Variants in GRM1 observed in about 807,000 individuals in gnomAD.
The protein encoded by GRM1 is metabotropic glutamate receptor 1.
In GRM1, 33 loss-of-function variants were observed where a neutral mutation model predicts 90.9. That is an observed-to-expected ratio of 0.36 (90% CI 0.28 to 0.49). The LOEUF is 0.49. Ranked by LOEUF, GRM1 falls within the 20% of genes least tolerant of loss-of-function variation. The pLI is 0.99. For missense variants in GRM1, 1,190 were observed against 1,534.3 expected (o/e 0.78, Z 3.75); for synonymous variants, 700 against 613.2 (o/e 1.14, Z -2.09).
intron 1 of GRM1, among the ~76,000 whole-genome samples, chr6:146,079,474 T>C (rs935360245): frequency 6.6e-6 from 1 of 152,196 alleles, no homozygotes; most frequent in African/African-American, 2.4e-5. Context: ...GAGAACAGCT[T>C]TTGTGTTTGT....
intron 3 of GRM1, among the ~76,000 whole-genome samples, chr6:146,344,899 C>T (rs1397658487): frequency 1.3e-5 from 2 of 152,122 alleles, no homozygotes; most frequent in East Asian, 3.9e-4. Flanking sequence ...ACAGCCTCCA[C>T]GTCCCAGGTT....
chr6:146,370,960 T>A (rs539516051), intron 5 of GRM1, among the ~76,000 whole-genome samples: 27 of 152,272 alleles, frequency 1.8e-4, no homozygotes, highest in African/African-American at 6.5e-4. Context: ...TAAATTACAA[T>A]GTAGTCCTAC....
chr6:146,388,592 A>G (rs764819168), intron 6 of GRM1, among the ~76,000 whole-genome samples: 14 of 152,100 alleles, frequency 9.2e-5, no homozygotes, highest in Non-Finnish European at 1.6e-4. Flanking sequence ...TCCTTTTTAA[A>G]GAGAAGAAAA....
chr6:146,293,030 T>C (rs772817521), intron 2 of GRM1, among the ~76,000 whole-genome samples: 2 of 151,952 alleles, frequency 1.3e-5, no homozygotes, highest in Non-Finnish European at 2.9e-5. Context: ...AGTTCATGTA[T>C]TGTGTGATTA....
intron 7 of GRM1, 35 bp from the exon 8 acceptor site, chr6:146,433,837 A>T: frequency 7.2e-7 from 1 of 1,397,924 alleles, no homozygotes; most frequent in Non-Finnish European, 1.0e-6. Context: ...TGCATGATCT[A>T]TCTGCAAATA....
chr6:146,161,144 G>A (rs1215015302), intron 2 of GRM1, among the ~76,000 whole-genome samples: 1 of 152,020 alleles, frequency 6.6e-6, no homozygotes, highest in African/African-American at 2.4e-5. Context: ...CTTTTAGGAA[G>A]GTTGCTTGTT....
At chr6:146,409,953 A>G (rs1203104107) in intron 7 of GRM1, among the ~76,000 whole-genome samples, 1 of 152,146 alleles carries the variant, frequency 6.6e-6, no homozygotes, top group Non-Finnish European at 1.5e-5. Flanking sequence ...TCCTTCCCCA[A>G]ATTTTCCAGT....
intron 2 of GRM1, among the ~76,000 whole-genome samples, chr6:146,288,476 A>T (rs1021085006): frequency 4.6e-5 from 7 of 152,192 alleles, no homozygotes; most frequent in Admixed American, 2.6e-4. Context: ...CATGAACCAT[A>T]GAACAATGGC....
intron 1 of GRM1, among the ~76,000 whole-genome samples, chr6:146,110,200 C>G (rs1365179048): frequency 6.6e-6 from 1 of 152,120 alleles, no homozygotes; most frequent in South Asian, 2.1e-4. Flanking sequence ...TGCTGTGTCT[C>G]CACCCAAATC....
At chr6:146,085,175 T>A (rs931454769) in intron 1 of GRM1, among the ~76,000 whole-genome samples, 3 of 152,106 alleles carry the variant, frequency 2.0e-5, no homozygotes, top group African/African-American at 4.8e-5. Flanking sequence ...AAATGGCTGA[T>A]TGATATAACT....
chr6:146,399,227 C>G lies in GRM1; in HGVS notation c.2188C>G (p.Pro730Ala). 6.2e-7 allele frequency: 1 copy of G among 1,613,998 alleles called. No homozygotes were observed. The highest frequency in any genetic ancestry group is 1.1e-5 in the South Asian group (1 of 91,068). The change falls in exon 7 of 8, where the codon CCT (proline) becomes GCT (alanine). Residue 730 changes from proline (P) to alanine (A), a missense_variant. By Grantham distance (27) the Pro-to-Ala change is conservative (BLOSUM62 -1). This residue lies in a region of GRM1 where 414 missense variants were observed against 598.4 expected (regional missense o/e 0.69). Transcript: ENST00000282753. This position sits in a 1 kb window ranked among gnomAD's most constrained non-coding sequence, Gnocchi z 5.4. ...GGTAACCCTGATCATCATGGAACCC[C>G]CTATGCCCATTCTGTCCTACCCAAG... ...LVVTLIIMEP[P>A]MPILSYPSIK...
chr6:146,116,740 G>A (rs149860619), intron 1 of GRM1, among the ~76,000 whole-genome samples: 8 of 152,138 alleles, frequency 5.3e-5, no homozygotes, highest in African/African-American at 1.4e-4. Context: ...GGAGAGATAA[G>A]TCTTTTACAT....
At chr6:146,357,969 A>C (rs751981689) in intron 5 of GRM1, among the ~76,000 whole-genome samples, 3 of 152,232 alleles carry the variant, frequency 2.0e-5, no homozygotes, top group Non-Finnish European at 2.9e-5. Context: ...TGAGTAATCA[A>C]ATTTTAAAAA....
At chr6:146,241,696 T>G (rs1780871054) in intron 2 of GRM1, among the ~76,000 whole-genome samples, 2 of 152,164 alleles carry the variant, frequency 1.3e-5, no homozygotes, top group Non-Finnish European at 2.9e-5. Flanking sequence ...TCTGAATAAT[T>G]TATCCTAACT....
intron 3 of GRM1, among the ~76,000 whole-genome samples, chr6:146,320,893 A>G (rs895592311): frequency 1.3e-5 from 2 of 151,264 alleles, no homozygotes; most frequent in East Asian, 1.9e-4. Flanking sequence ...CAGTCTATCT[A>G]TTTGGTTAAT....
chr6:146,249,912 C>G (rs1449568114), intron 2 of GRM1, among the ~76,000 whole-genome samples: 1 of 152,156 alleles, frequency 6.6e-6, no homozygotes, highest in East Asian at 1.9e-4. Flanking sequence ...CCACCCCTTG[C>G]ATTAGTGTGT....
chr6:146,151,393 C>G (rs931755314), intron 1 of GRM1, among the ~76,000 whole-genome samples: 1 of 152,150 alleles, frequency 6.6e-6, no homozygotes, highest in Non-Finnish European at 1.5e-5. Flanking sequence ...GATGCACTGA[C>G]AGGATTTGAA....
rs144799631 is a variant in GRM1 at position 146,236,749 on chromosome 6, A to C, written c.951-67862A>C. The stretch of plus-strand genomic sequence containing the variant: ...TCTTCATTTTCCAGAGTCTTAAGGT[A>C]TTTGTCATGGAGAGATAGGAGAGAA... On this transcript the variant is annotated intron_variant, in intron 2 of 7. Transcript: ENST00000282753. Among the ~76,000 whole-genome samples, 872 of 152,162 alleles carry C rather than the reference A, an allele frequency of 5.7e-3. 7 individuals are homozygous for C. The highest frequency in any genetic ancestry group is 7.6e-3 in the Non-Finnish European group (514 of 67,998).
chr6:146,416,686 G>A (rs1777798132), intron 7 of GRM1, among the ~76,000 whole-genome samples: 1 of 152,072 alleles, frequency 6.6e-6, no homozygotes, highest in African/African-American at 2.4e-5. Context: ...TGTGGACTGT[G>A]GTTTTATAAA....
Sources: allele counts gnomAD v4.1 joint callset (sites outside exome capture counted in the v4.1 genomes callset), GRCh38; gene constraint gnomAD v4.1.1; regional missense constraint gnomAD v4.1.1; non-coding constraint Gnocchi (gnomAD v3.1); transcripts MANE v1.5; gene names NCBI Gene and HGNC (gene_info 2026-07-23, HGNC 2026-07-21).